Variants in KDM3B observed in about 807,000 individuals in gnomAD.
KDM3B encodes lysine demethylase 3B, also known as lysine-specific demethylase 3B.
A neutral mutation model predicts 170.0 loss-of-function variants in KDM3B; 10 were observed. The ratio of observed to expected loss-of-function variants is 0.06; its 90% CI spans 0.04 to 0.10. The LOEUF is 0.10. Ranked by LOEUF, KDM3B falls within the 10% of genes least tolerant of loss-of-function variation. The pLI is 1.00. For synonymous variants in KDM3B, 831 were observed against 834.8 expected, an observed-to-expected ratio of 1.00 and a Z score of 0.08; for missense variants, 1,394 against 2,195.2, an observed-to-expected ratio of 0.64 and a Z score of 7.29.
In KDM3B at chr5:138,379,592, A is replaced by G. The variant is rs1172038336; in HGVS notation, c.589A>G (p.Ser197Gly). ...LQEIFSRGPY[S>G]VQGHRVKIYQ... ...ACTGATCTCCCTTTTAGGTCCCTAC[A>G]GTGTTCAAGGTCACAGGGTCAAAAT... Residue 197 changes from serine (S) to glycine (G), a missense_variant, in exon 5 of 24, where the codon AGT becomes GGT. Ser to Gly is a moderately conservative substitution (Grantham distance 56). This residue lies in a region of KDM3B where 166 missense variants were observed against 216.4 expected (regional missense o/e 0.77). Coordinates refer to ENST00000314358, the MANE Select transcript of KDM3B (RefSeq NM_016604.4). 7 of 1,613,312 alleles carry G rather than the reference A, an allele frequency of 4.3e-6. No individual in the cohort carries two copies. Among genetic ancestry groups the G allele is most frequent in the Admixed American group, 1.7e-5 (1 of 59,916 alleles).
chr5:138,369,289 G>A (rs1411502298), intron 1 of KDM3B, among the ~76,000 whole-genome samples: 1 of 152,098 alleles, frequency 6.6e-6, no homozygotes, highest in African/African-American at 2.4e-5. Context: ...TGTGATGGTA[G>A]CACTTCTCTT....
At chr5:138,390,889 T>G in intron 7 of KDM3B, 124 bp from the exon 8 acceptor site, 2 of 868,332 alleles carry the variant, frequency 2.3e-6, no homozygotes, top group Middle Eastern at 4.7e-4. Context: ...TCCATGGAAT[T>G]GTAAAAGAGA....
chr5:138,377,859 G>A lies in KDM3B; in HGVS notation c.580+34G>A, dbSNP rs756392704. ...GGATAGTCTTCTGTCCCTGAACTCT[G>A]ATTCAGGTGAATGATCACTGTTGAG... On this transcript the variant is annotated intron_variant, in intron 4 of 23. Coordinates refer to ENST00000314358, the MANE Select transcript of KDM3B (RefSeq NM_016604.4). The A allele has an allele frequency of 2.8e-6, 4 of 1,430,206 alleles. No individual in the cohort carries two copies. In the Admixed American group the frequency reaches 6.7e-5, roughly 24 times the overall value. The allele number at this position is 1,430,206 out of a possible 1,614,324, so 88.6% of individuals were successfully genotyped here. A position where few individuals can be genotyped will look rare whatever the true frequency, so the allele number is the denominator to read the frequency against.
Position 138,427,276 on chromosome 5 carries a change from C to T in KDM3B, c.4590C>T (p.Tyr1530=), listed in dbSNP as rs2127002960. Residue 1530 remains tyrosine (Y), a synonymous_variant, in exon 19 of 24, where the codon TAC becomes TAT. Transcript: ENST00000314358. ...RLNLASRLPS[Y]FVRPDLGPKM... Reference sequence around the variant, plus strand: ...ATCTGGCCTCTAGGCTACCTAGCTACTTTGTAAGGCCTGATCTGGGCCCCA... The same window carrying T: ...ATCTGGCCTCTAGGCTACCTAGCTATTTTGTAAGGCCTGATCTGGGCCCCA... 6.2e-7 allele frequency: 1 copy of T among 1,614,088 alleles called. No individual in the cohort carries two copies. The highest frequency in any genetic ancestry group is 8.5e-7 in the Non-Finnish European group (1 of 1,179,930).
intron 1 of KDM3B, among the ~76,000 whole-genome samples, chr5:138,361,145 C>T (rs897764871): frequency 6.6e-6 from 1 of 152,122 alleles, no homozygotes; most frequent in African/African-American, 2.4e-5. Context: ...GGATGCAACA[C>T]CTGTTGATGC....
In KDM3B at chr5:138,398,381, T is replaced by C. The variant is rs577772389; in HGVS notation, c.3035T>C (p.Val1012Ala). ...TCTGAGAAGGAGGCCATGATGATGG[T>C]GGAGCCACACCGTAAGTCACCTTCT... ...VMSEKEAMMM[V>A]EPHQKVAWKR... is the part of the protein sequence containing the mutation. Residue 1012 changes from valine (V) to alanine (A), a missense_variant, in exon 10 of 24, where the codon GTG becomes GCG. By Grantham distance (64) the Val-to-Ala change is moderately conservative (BLOSUM62 0). Transcript: ENST00000314358. 1.2e-6 allele frequency: 2 copies of C among 1,614,046 alleles called. No individual in the cohort carries two copies. Among genetic ancestry groups the C allele is most frequent in the Non-Finnish European group, 1.7e-6 (2 of 1,179,944 alleles).
intron 23 of KDM3B, among the ~76,000 whole-genome samples, chr5:138,434,547 C>CAA (rs747418307): frequency 1.1e-4 from 10 of 92,780 alleles, no homozygotes; most frequent in African/African-American, 1.2e-4. Flanking sequence ...GACTCCATCT[C>CAA]AAAAAAAAAA....
chr5:138,398,110 C>A, intron 9 of KDM3B, 68 bp from the exon 10 acceptor site: 1 of 1,218,140 alleles, frequency 8.2e-7, no homozygotes, highest in Non-Finnish European at 1.2e-6. Context: ...TGTTTAGGTC[C>A]CAGGAGTTTA....
intron 22 of KDM3B, among the ~76,000 whole-genome samples, chr5:138,430,805 G>A (rs1473211443): frequency 1.3e-5 from 2 of 152,030 alleles, no homozygotes; most frequent in South Asian, 2.1e-4. Flanking sequence ...CAGGAGAATC[G>A]CTTGAACCCG....
intron 1 of KDM3B, among the ~76,000 whole-genome samples, chr5:138,368,931 A>T (rs1298961831): frequency 6.6e-6 from 1 of 152,244 alleles, no homozygotes; most frequent in African/African-American, 2.4e-5. Context: ...TAAATATTCA[A>T]GTTCTTATGT....
At chr5:138,355,294 A>T (rs1761422115) in intron 1 of KDM3B, among the ~76,000 whole-genome samples, 1 of 152,250 alleles carries the variant, frequency 6.6e-6, no homozygotes, top group Admixed American at 6.5e-5. Flanking sequence ...GATTGAAAAC[A>T]CACTTCTTAA....
Position 138,386,222 on chromosome 5 carries a change from G to A in KDM3B, c.981G>A (p.Gly327=). The change falls in exon 7 of 24, where the codon GGG becomes GGA. Residue 327 remains glycine (G), a synonymous_variant. Transcript: ENST00000314358. ...GEASRGPWKG[G]NASGEPGLDQ... Reference sequence around the variant, plus strand: ...CAAGCCGAGGGCCCTGGAAAGGAGGGAATGCCAGTGGAGAGCCAGGGCTGG... The same window carrying A: ...CAAGCCGAGGGCCCTGGAAAGGAGGAAATGCCAGTGGAGAGCCAGGGCTGG... The A allele has an allele frequency of 6.2e-7, 1 of 1,614,098 alleles. No homozygotes were observed.
At chr5:138,400,533 G>C (rs1170305925) in intron 11 of KDM3B, among the ~76,000 whole-genome samples, 1 of 152,088 alleles carries the variant, frequency 6.6e-6, no homozygotes, top group Non-Finnish European at 1.5e-5. Flanking sequence ...ATCACTTGAG[G>C]CCGGGGGTTT....
intron 12 of KDM3B, among the ~76,000 whole-genome samples, chr5:138,416,883 C>T (rs1410846169): frequency 6.6e-6 from 1 of 152,114 alleles, no homozygotes; most frequent in African/African-American, 2.4e-5. Flanking sequence ...TACAGTGGCA[C>T]AATCTCAGCT....
At chr5:138,377,207 A>G (rs1179648086) in intron 3 of KDM3B, among the ~76,000 whole-genome samples, 2 of 152,226 alleles carry the variant, frequency 1.3e-5, no homozygotes, top group East Asian at 1.9e-4. Flanking sequence ...TAAATGTTGG[A>G]TAAATACTGA....
chr5:138,367,623 T>TTG (rs914048269), intron 1 of KDM3B, among the ~76,000 whole-genome samples: 22 of 152,340 alleles, frequency 1.4e-4, no homozygotes, highest in African/African-American at 5.1e-4. Context: ...GAAGCATGTG[T>TTG]TGTACCATTT....
chr5:138,419,766 CAT>C (rs1008985305), intron 14 of KDM3B, among the ~76,000 whole-genome samples: 5 of 131,996 alleles, frequency 3.8e-5, no homozygotes, highest in Non-Finnish European at 8.3e-5. Context: ...CACACACACA[CAT>C]ATATATGAGG....
intron 6 of KDM3B, among the ~76,000 whole-genome samples, chr5:138,385,454 A>G (rs1762233977): frequency 6.6e-6 from 1 of 152,178 alleles, no homozygotes; most frequent in Non-Finnish European, 1.5e-5. Context: ...GATGGTCTCA[A>G]TCTCCTGACC....
At chr5:138,422,860 T>C (rs570282293) in intron 15 of KDM3B, among the ~76,000 whole-genome samples, 3 of 152,326 alleles carry the variant, frequency 2.0e-5, no homozygotes, top group Admixed American at 2.0e-4. Context: ...CTTCTTGGGT[T>C]TTATGACTAA....
Sources: allele counts gnomAD v4.1 joint callset (sites outside exome capture counted in the v4.1 genomes callset), GRCh38; gene constraint gnomAD v4.1.1; regional missense constraint gnomAD v4.1.1; transcripts MANE v1.5; gene names NCBI Gene and HGNC (gene_info 2026-07-23, HGNC 2026-07-21).